NLRP8: variants seen among roughly 807,000 people sequenced by gnomAD.
NLRP8 encodes NACHT, LRR and PYD domains-containing protein 8.
Under a neutral mutation model 88.7 loss-of-function variants are expected in NLRP8, and 86 were observed. The ratio of observed to expected loss-of-function variants is 0.97; its 90% CI spans 0.81 to 1.16. NLRP8 has a LOEUF of 1.16. NLRP8 is among the 50% of genes most tolerant of loss of function. The pLI, the probability that NLRP8 is intolerant of heterozygous loss-of-function variation, is 0.00. For synonymous variants in NLRP8, 504 were observed against 494.6 expected (o/e 1.02, Z -0.25); for missense variants, 1,342 against 1,286.5 (o/e 1.04, Z -0.66).
At chr19:55,985,938 C>T (rs10406992) in intron 9 of NLRP8, among the ~76,000 whole-genome samples, 23,708 of 152,020 alleles carry the variant, frequency 0.16, 2,230 homozygotes, top group East Asian at 0.29. Flanking sequence ...ATTCTTTGAA[C>T]CCAGGAGGTG....
intron 1 of NLRP8, 63 bp from the exon 2 acceptor site, chr19:55,952,475 G>T (rs1329785448): frequency 7.2e-7 from 1 of 1,387,994 alleles, no homozygotes; most frequent in East Asian, 2.3e-5. Flanking sequence ...TTGGCTCCAT[G>T]CTGTTTCCCT....
Position 55,979,535 on chromosome 19 carries a change from A to G in NLRP8, c.3018A>G (p.Ser1006=), listed in dbSNP as rs1312319728. 6.2e-7 allele frequency: 1 copy of G among 1,614,214 alleles called. No individual in the cohort carries two copies. The highest frequency in any genetic ancestry group is 2.2e-5 in the East Asian group (1 of 44,882). The change falls in exon 9 of 10, where the codon TCA becomes TCG. Residue 1006 remains serine (S), a synonymous_variant. Transcript: ENST00000291971. ...TTCTGACCTTGTGCGAGGCCTTCTC[A>G]AGCCAAAAGAAGAGAGAAGAGGTCA...
chr19:55,962,952 G>A (rs189600151), intron 4 of NLRP8, among the ~76,000 whole-genome samples: 2 of 152,244 alleles, frequency 1.3e-5, no homozygotes, highest in African/African-American at 2.4e-5. Flanking sequence ...CAGAAGCCAC[G>A]TGCGACCTGA....
At chr19:55,974,343 C>T (rs1191230654) in intron 7 of NLRP8, among the ~76,000 whole-genome samples, 1 of 152,072 alleles carries the variant, frequency 6.6e-6, no homozygotes, top group Non-Finnish European at 1.5e-5. Context: ...CTTGGTTGTG[C>T]TTATCTGGGA....
chr19:55,954,080 G>A (rs1031425856), intron 2 of NLRP8, among the ~76,000 whole-genome samples: 1 of 152,088 alleles, frequency 6.6e-6, no homozygotes, highest in Non-Finnish European at 1.5e-5. Context: ...TGGGATTACA[G>A]GTACAAGCCG....
intron 3 of NLRP8, 60 bp downstream of exon 3, chr19:55,956,160 T>C: frequency 6.6e-7 from 1 of 1,521,450 alleles, no homozygotes; most frequent in Non-Finnish European, 8.8e-7. Flanking sequence ...GACTATGGTG[T>C]CCCGGGTGTT....
At chr19:55,954,109 A>G (rs925840928) in intron 2 of NLRP8, among the ~76,000 whole-genome samples, 1 of 152,040 alleles carries the variant, frequency 6.6e-6, no homozygotes, top group African/African-American at 2.4e-5. Context: ...GGCCCTCCCA[A>G]GTATTTCTGA....
rs533040249 is a variant in NLRP8, at chr19:55,959,864, C to G, written c.2043-2203C>G. ...ACTTCTTCTAATCTATAAGGAAGGTCTGAGTCCTGAAGACCTTCCTCTGGA... is the reference window on the plus strand; with the variant it reads ...ACTTCTTCTAATCTATAAGGAAGGTGTGAGTCCTGAAGACCTTCCTCTGGA... On this transcript the variant is annotated intron_variant, in intron 3 of 9. Transcript: ENST00000291971. Among the ~76,000 whole-genome samples, 8 of 152,246 alleles carry G rather than the reference C, an allele frequency of 5.3e-5. No individual in the cohort carries two copies. In the South Asian group the frequency reaches 1.7e-3, roughly 32 times the overall value.
At chr19:55,958,301 C>T (rs768093777) in intron 3 of NLRP8, among the ~76,000 whole-genome samples, 14 of 152,272 alleles carry the variant, frequency 9.2e-5, no homozygotes, top group Non-Finnish European at 1.5e-4. Flanking sequence ...GGATGTGTAG[C>T]GCTAATGCTC....
rs139514118 is a variant in NLRP8 at position 55,956,154 on chromosome 19, A to G, written c.2042+54A>G. ...CCCGTCCTACCCGGAGGCCTTGACT[A>G]TGGTGTCCCGGGTGTTTAGGGGGTC... is the stretch of plus-strand genomic sequence containing the variant. On this transcript the variant is annotated intron_variant, in intron 3 of 9. Coordinates refer to ENST00000291971, the MANE Select transcript of NLRP8 (RefSeq NM_176811.2). 3.6e-4 allele frequency: 553 copies of G among 1,542,126 alleles called. 6 individuals are homozygous for G. In the African/African-American group the frequency reaches 6.7e-3, roughly 19 times the overall value.
In NLRP8 at chr19:55,953,126, T is replaced by A. The variant is rs947314245; in HGVS notation, c.442+514T>A. Among the ~76,000 whole-genome samples, 7 of 151,998 alleles carry A rather than the reference T, an allele frequency of 4.6e-5. 1 individual carries two copies. The highest frequency in any genetic ancestry group is 1.7e-4 in the African/African-American group (7 of 41,380). On this transcript the variant is annotated intron_variant, in intron 2 of 9. Transcript: ENST00000291971. ...ATTACCTCCTGGGCTCTGCCTCCTGTCAGATCAGCAGTGGCATCAGATTCT... is the reference window on the plus strand; with the variant it reads ...ATTACCTCCTGGGCTCTGCCTCCTGACAGATCAGCAGTGGCATCAGATTCT...
chr19:55,964,324 A>G (rs1418593278), intron 4 of NLRP8, among the ~76,000 whole-genome samples: 1 of 152,242 alleles, frequency 6.6e-6, no homozygotes, highest in African/African-American at 2.4e-5. Flanking sequence ...TCTCCCTTGT[A>G]GACCTGAAAC....
chr19:55,978,063 G>T (rs1282651755), intron 8 of NLRP8, among the ~76,000 whole-genome samples: 1 of 152,074 alleles, frequency 6.6e-6, no homozygotes, highest in Non-Finnish European at 1.5e-5. Flanking sequence ...GCTTGTATGA[G>T]ATTATTATTA....
In NLRP8 at chr19:55,976,098, TG is replaced by T. The variant is rs573356466; in HGVS notation, c.2706-34del. On this transcript the variant is annotated intron_variant, in intron 7 of 9. Coordinates refer to ENST00000291971, the MANE Select transcript of NLRP8 (RefSeq NM_176811.2). ...GTTGTTGTTGTTTTGTTGTAGTTGTTGTTGTTGTTGTTTTTAACCTGTGTTT... is the reference window on the plus strand; with the variant it reads ...GTTGTTGTTGTTTTGTTGTAGTTGTTTTGTTGTTGTTTTTAACCTGTGTTT... 7.4e-4 allele frequency: 1,124 copies of T among 1,528,282 alleles called. 9 individuals are homozygous for T. The African/African-American group carries it at 0.014, about 19-fold the overall frequency. 94.7% of individuals were successfully genotyped at this position (1,528,282 alleles called of 1,614,324 possible). A position where few individuals can be genotyped will look rare whatever the true frequency, so the allele number is the denominator to read the frequency against.
chr19:55,978,785 G>A (rs1216008510), intron 8 of NLRP8, among the ~76,000 whole-genome samples: 1 of 152,090 alleles, frequency 6.6e-6, no homozygotes, highest in Non-Finnish European at 1.5e-5. Flanking sequence ...AGCTGGGTGT[G>A]GTGGCATGTG....
Position 55,951,119 on chromosome 19 carries a change from A to G in NLRP8, c.368-1419A>G, listed in dbSNP as rs534109761. Among the ~76,000 whole-genome samples the G allele has an allele frequency of 2.6e-5, 4 of 152,246 alleles. No homozygotes were observed. The East Asian group carries it at 5.8e-4, about 22-fold the overall frequency. On this transcript the variant is annotated intron_variant, in intron 1 of 9. Transcript: ENST00000291971. ...AAAATAAAAATAAAAATGGTACCCA[A>G]AACTAGTGCTGATGTGCCTTTCCAT...
At chr19:55,962,269 C>A (rs974008611) in intron 4 of NLRP8, 32 bp downstream of exon 4, 14 of 1,595,608 alleles carry the variant, frequency 8.8e-6, no homozygotes, top group Middle Eastern at 2.1e-4. Flanking sequence ...CTGGAAGGAA[C>A]TTTATGGAGA....
intron 3 of NLRP8, 52 bp downstream of exon 3, chr19:55,956,152 C>G: frequency 6.5e-7 from 1 of 1,544,270 alleles, no homozygotes; most frequent in Non-Finnish European, 8.7e-7. Flanking sequence ...GAGGCCTTGA[C>G]TATGGTGTCC....
intron 7 of NLRP8, among the ~76,000 whole-genome samples, chr19:55,975,452 C>G (rs1980268327): frequency 6.6e-6 from 1 of 152,208 alleles, no homozygotes; most frequent in East Asian, 1.9e-4. Context: ...AAATAAAAAC[C>G]CACCTCCACA....
Sources: allele counts gnomAD v4.1 joint callset (sites outside exome capture counted in the v4.1 genomes callset), GRCh38; gene constraint gnomAD v4.1.1; transcripts MANE v1.5; gene names NCBI Gene and HGNC (gene_info 2026-07-23, HGNC 2026-07-21).